Variants in NOL9 observed in about 807,000 individuals in gnomAD.
The protein encoded by NOL9 is polynucleotide 5'-hydroxyl-kinase NOL9.
Under a neutral mutation model 67.9 loss-of-function variants are expected in NOL9, and 28 were observed. The observed-to-expected ratio is 0.41, with a 90% confidence interval of 0.31 to 0.57. The LOEUF (loss-of-function observed/expected upper bound fraction) is 0.57. Ranked by LOEUF, NOL9 falls within the 20% of genes least tolerant of loss-of-function variation. NOL9 has a pLI of 0.25. For missense variants in NOL9, 777 were observed against 897.0 expected (o/e 0.87, Z 1.71); for synonymous variants, 356 against 352.2 (o/e 1.01, Z -0.12).
At chr1:6,535,539 G>A (rs1639133036) in intron 6 of NOL9, among the ~76,000 whole-genome samples, 1 of 152,312 alleles carries the variant, frequency 6.6e-6, no homozygotes, top group Non-Finnish European at 1.5e-5. Context: ...GTGGCCGGCA[G>A]GGCAGAGCGG....
chr1:6,549,007 G>A (rs1639482610), intron 3 of NOL9, among the ~76,000 whole-genome samples: 3 of 152,058 alleles, frequency 2.0e-5, no homozygotes, highest in African/African-American at 2.4e-5. Context: ...ACTTCATCCC[G>A]GGAGGCAGAG....
chr1:6,549,326 C>A, intron 3 of NOL9: 2 of 364,030 alleles, frequency 5.5e-6, no homozygotes, highest in Non-Finnish European at 1.0e-5. Flanking sequence ...TAATAAAAAC[C>A]CAAAAAGCAC....
At chr1:6,527,687 A>G (rs1177417344) in intron 10 of NOL9, among the ~76,000 whole-genome samples, 1 of 151,586 alleles carries the variant, frequency 6.6e-6, no homozygotes, top group African/African-American at 2.4e-5. Flanking sequence ...TAATCTCAGC[A>G]CTCTGGGAGG....
chr1:6,554,290 G>C lies in NOL9; in HGVS notation c.213C>G (p.Arg71=). 2 of 1,474,436 alleles carry C rather than the reference G, an allele frequency of 1.4e-6. No homozygotes were observed. The highest frequency in any genetic ancestry group is 2.3e-4 in the Middle Eastern group (1 of 4,312). The allele number at this position is 1,474,436 out of a possible 1,614,324, so 91.3% of individuals were successfully genotyped here. A position where few individuals can be genotyped will look rare whatever the true frequency, so the allele number is the denominator to read the frequency against. The change falls in exon 1 of 12, where the codon CGC becomes CGG. Residue 71 remains arginine, a synonymous_variant. Transcript: ENST00000377705. Reference sequence around the variant, plus strand: ...TGTTGGGTCTCCGGGCCGCCGCCGCGCGCGACACCTGGCGGGCTCCCTCCC... The same window carrying C: ...TGTTGGGTCTCCGGGCCGCCGCCGCCCGCGACACCTGGCGGGCTCCCTCCC... ...DWREGARQVS[R]AAAARRPNTA...
rs1638829923 is a variant in NOL9, at chr1:6,524,193, G to A, written c.*1661C>T. The A allele has an allele frequency of 6.6e-6, 1 of 152,160 alleles. No individual in the cohort carries two copies. Among genetic ancestry groups the A allele is most frequent in the South Asian group, 2.1e-4 (1 of 4,818 alleles). 9.4% of individuals were successfully genotyped at this position (152,160 alleles called of 1,614,324 possible). On this transcript the variant is annotated 3_prime_UTR_variant, in exon 12 of 12. Transcript: ENST00000377705. ...CTTATTTTAAGTCCTTTGCTGTTGG[G>A]TCTAAGAGGTGCTGAGGGGCCACTG...
intron 1 of NOL9, among the ~76,000 whole-genome samples, 171 bp from the exon 2 acceptor site, chr1:6,550,786 C>T (rs1639529494): frequency 6.7e-6 from 1 of 150,168 alleles, no homozygotes; most frequent in South Asian, 2.1e-4. Context: ...CAGGTTCAAG[C>T]AATTCTCCTG....
Position 6,529,152 on chromosome 1 carries a change from G to A in NOL9, c.1667C>T (p.Ala556Val), listed in dbSNP as rs771072782. The change falls in exon 10 of 12, where the codon GCA (alanine) becomes GTA (valine). Residue 556 changes from alanine to valine, a missense_variant. Ala to Val is a moderately conservative substitution (Grantham distance 64, BLOSUM62 0). Coordinates refer to ENST00000377705, the MANE Select transcript of NOL9 (RefSeq NM_024654.5). ...TPYQVPFNAV[A>V]LRITHSDVAP... ...GACATCAGAGTGGGTAATCCGGAGT[G>A]CGACTGCATTGAAAGGGACCTGGAA... is the stretch of plus-strand genomic sequence containing the variant. 1.2e-6 allele frequency: 2 copies of A among 1,613,502 alleles called. No homozygotes were observed. Among genetic ancestry groups the A allele is most frequent in the African/African-American group, 2.7e-5 (2 of 74,904 alleles).
rs558915585 is a variant in NOL9, at chr1:6,526,094, A to C, written c.1960-91T>G. ...TCTCTCACACCTAGAAGGCAGTGTC[A>C]TGGTGATGGTCTGGGTGGGGACTTC... is the stretch of plus-strand genomic sequence containing the variant. On this transcript the variant is annotated intron_variant, in intron 11 of 11. Transcript: ENST00000377705. 2.4e-4 allele frequency: 273 copies of C among 1,155,310 alleles called. No individual in the cohort carries two copies. The African/African-American group carries it at 3.6e-3, about 15-fold the overall frequency. 71.6% of individuals were successfully genotyped at this position (1,155,310 alleles called of 1,614,324 possible).
intron 6 of NOL9, among the ~76,000 whole-genome samples, chr1:6,538,950 C>T (rs531645064): frequency 1.3e-5 from 2 of 152,066 alleles, no homozygotes; most frequent in African/African-American, 2.4e-5. Context: ...TCAGCCTGGG[C>T]GAAAGAGCAA....
intron 2 of NOL9, among the ~76,000 whole-genome samples, 178 bp from the exon 3 acceptor site, chr1:6,549,876 C>T (rs531873462): frequency 6.6e-6 from 1 of 152,184 alleles, no homozygotes; most frequent in East Asian, 1.9e-4. Context: ...AGAAGTCAAT[C>T]GAGGTTTGCC....
chr1:6,541,721 C>A, intron 6 of NOL9, 109 bp downstream of exon 6: 1 of 526,510 alleles, frequency 1.9e-6, no homozygotes, highest in South Asian at 4.8e-5. Flanking sequence ...GTTTGGTAGG[C>A]GCATGTTCCC....
chr1:6,529,435 A>C (rs1244392595), intron 9 of NOL9, among the ~76,000 whole-genome samples: 1 of 152,064 alleles, frequency 6.6e-6, no homozygotes, highest in Non-Finnish European at 1.5e-5. Flanking sequence ...CAAAAAACAC[A>C]AAATTAGCCA....
chr1:6,541,712 T>G, intron 6 of NOL9, 118 bp downstream of exon 6: 1 of 480,494 alleles, frequency 2.1e-6, no homozygotes. Context: ...AGACCATGAG[T>G]TTGGTAGGCG....
chr1:6,537,238 A>T (rs1639175792), intron 6 of NOL9, among the ~76,000 whole-genome samples: 1 of 152,032 alleles, frequency 6.6e-6, no homozygotes, highest in Non-Finnish European at 1.5e-5. Context: ...CATATACAAA[A>T]ATCAACTCAA....
At chr1:6,546,283 C>T (rs1639420606) in intron 3 of NOL9, among the ~76,000 whole-genome samples, 1 of 152,184 alleles carries the variant, frequency 6.6e-6, no homozygotes, top group South Asian at 2.1e-4. Flanking sequence ...AAGAATGTGG[C>T]TGCCCCATAG....
At chr1:6,537,922 G>A (rs1029468300) in intron 6 of NOL9, among the ~76,000 whole-genome samples, 2 of 141,380 alleles carry the variant, frequency 1.4e-5, no homozygotes, top group African/African-American at 2.7e-5. Context: ...AGGAGATTGA[G>A]ACCATCCTGG....
At position 6,542,877 on chromosome 1, in the gene NOL9, C is replaced by T. The variant is rs1193303255; in HGVS notation, c.978-950G>A. Among the ~76,000 whole-genome samples, 4 of 152,112 alleles carry T rather than the reference C, an allele frequency of 2.6e-5. No individual in the cohort carries two copies. In the East Asian group the frequency reaches 5.8e-4, roughly 22 times the overall value. On this transcript the variant is annotated intron_variant, in intron 5 of 11. Transcript: ENST00000377705. Reference sequence around the variant, plus strand: ...AAAGTGCTGGGATTACAGGCATGAGCTAACACTCAGCCATTTTTCATATAA... The same window carrying T: ...AAAGTGCTGGGATTACAGGCATGAGTTAACACTCAGCCATTTTTCATATAA...
chr1:6,534,141 C>T (rs555580177), intron 6 of NOL9, among the ~76,000 whole-genome samples: 1 of 152,196 alleles, frequency 6.6e-6, no homozygotes, highest in Non-Finnish European at 1.5e-5. Context: ...CCCACCTCAG[C>T]CTCCCAAAGT....
intron 6 of NOL9, among the ~76,000 whole-genome samples, chr1:6,537,423 T>C (rs1639178761): frequency 6.6e-6 from 1 of 152,060 alleles, no homozygotes; most frequent in African/African-American, 2.4e-5. Context: ...AGGAAAAAAT[T>C]CCAAAGAGAC....
Sources: allele counts gnomAD v4.1 joint callset (sites outside exome capture counted in the v4.1 genomes callset), GRCh38; gene constraint gnomAD v4.1.1; transcripts MANE v1.5; gene names NCBI Gene and HGNC (gene_info 2026-07-23, HGNC 2026-07-21).